The following ROBO2 variants were observed in gnomAD, a reference collection of about 807,000 sequenced individuals.
The protein encoded by ROBO2 is roundabout guidance receptor 2, also known as roundabout homolog 2.
A neutral mutation model predicts 160.8 loss-of-function variants in ROBO2; 53 were observed. The ratio of observed to expected loss-of-function variants is 0.33; its 90% CI spans 0.26 to 0.41. The LOEUF is 0.41. Among genes scored for constraint, ROBO2 ranks in the 10% least tolerant of loss-of-function variants. The pLI, the probability that ROBO2 is intolerant of heterozygous loss-of-function variation, is 1.00. For synonymous variants in ROBO2, 664 were observed against 611.7 expected (o/e 1.09, Z -1.26); for missense variants, 1,577 against 1,722.4 (o/e 0.92, Z 1.49).
intron 2 of ROBO2, among the ~76,000 whole-genome samples, chr3:76,746,612 A>C (rs552320516): frequency 1.3e-5 from 2 of 152,092 alleles, no homozygotes; most frequent in South Asian, 4.2e-4. Flanking sequence ...TCCTCAATAA[A>C]ATACTGGCAA....
intron 2 of ROBO2, among the ~76,000 whole-genome samples, chr3:77,247,975 G>A (rs549092087): frequency 6.6e-6 from 1 of 152,100 alleles, no homozygotes; most frequent in African/African-American, 2.4e-5. Flanking sequence ...TTTCCTGCTC[G>A]AATGTTGCCT....
chr3:77,493,239 TC>T lies in ROBO2; in HGVS notation c.668-4del, dbSNP rs748498982. The T allele has an allele frequency of 8.1e-6, 13 of 1,613,440 alleles. No individual in the cohort carries two copies. In the East Asian group the frequency reaches 1.1e-4, roughly 14 times the overall value. On this transcript the variant is annotated splice_polypyrimidine_tract_variant and splice_region_variant and intron_variant, in intron 4 of 25. Transcript: ENST00000461745. Reference sequence around the variant, plus strand: ...TTTTACCATTGTTTCATTTTTTTTTTCAAGAACGACCCACATTTCTCAGGAG... The same window carrying T: ...TTTTACCATTGTTTCATTTTTTTTTTAAGAACGACCCACATTTCTCAGGAG...
At chr3:77,000,387 C>T (rs1035016915) in intron 2 of ROBO2, among the ~76,000 whole-genome samples, 5 of 152,184 alleles carry the variant, frequency 3.3e-5, no homozygotes, top group Admixed American at 2.6e-4. Flanking sequence ...CTTTGCCAGC[C>T]TCTCAGTCTG....
intron 2 of ROBO2, among the ~76,000 whole-genome samples, chr3:76,515,988 A>T (rs549334931): frequency 4.6e-5 from 7 of 152,172 alleles, no homozygotes; most frequent in Non-Finnish European, 1.0e-4. Context: ...GAAAAGTCAA[A>T]AATATAAACC....
intron 1 of ROBO2, among the ~76,000 whole-genome samples, chr3:77,070,419 C>CGT (rs994785952): frequency 1.3e-5 from 2 of 151,522 alleles, no homozygotes; most frequent in African/African-American, 4.9e-5. Context: ...TGTGTGTGTG[C>CGT]GTGTGTGTGT....
At chr3:77,642,886 TC>T (rs1052223478) in intron 24 of ROBO2, 11 of 456,398 alleles carry the variant, frequency 2.4e-5, no homozygotes, top group Non-Finnish European at 4.0e-5. Flanking sequence ...ATGGATAAGC[TC>T]CACAGAACGA....
At chr3:76,084,441 C>A (rs2068939328) in intron 2 of ROBO2, among the ~76,000 whole-genome samples, 1 of 152,034 alleles carries the variant, frequency 6.6e-6, no homozygotes, top group South Asian at 2.1e-4. Flanking sequence ...TTCTGTGAGG[C>A]AGTTATTACT....
chr3:76,053,452 G>C (rs1050714213), intron 2 of ROBO2, among the ~76,000 whole-genome samples: 3 of 151,850 alleles, frequency 2.0e-5, no homozygotes, highest in Non-Finnish European at 4.4e-5. Flanking sequence ...TTCTTTAAAG[G>C]TAGTTCATTA....
At position 77,527,231 on chromosome 3, in the gene ROBO2, C is replaced by T. The variant is rs546320790; in HGVS notation, c.934+4329C>T. 3.7e-4 allele frequency among the ~76,000 whole-genome samples: 56 copies of T among 151,624 alleles called. No individual in the cohort carries two copies. The South Asian group carries it at 0.011, about 31-fold the overall frequency. The stretch of plus-strand genomic sequence containing the variant: ...TATTTTCCTAGAATTATATTTATAA[C>T]TCTCAACTTTATCAGACTCAGACAT... On this transcript the variant is annotated intron_variant, in intron 6 of 25. Transcript: ENST00000461745.
chr3:77,407,201 T>C (rs976726312), intron 2 of ROBO2, among the ~76,000 whole-genome samples: 9 of 152,096 alleles, frequency 5.9e-5, no homozygotes, highest in African/African-American at 2.2e-4. Flanking sequence ...GCCTCATGCT[T>C]TCAAAGAATA....
intron 2 of ROBO2, among the ~76,000 whole-genome samples, chr3:76,543,657 AT>A (rs1224366518): frequency 2.6e-5 from 4 of 151,988 alleles, no homozygotes; most frequent in African/African-American, 9.7e-5. Context: ...GTAAATGTCT[AT>A]TTCATAGGGT....
intron 2 of ROBO2, among the ~76,000 whole-genome samples, chr3:76,258,751 A>G (rs1043628520): frequency 6.6e-6 from 1 of 152,094 alleles, no homozygotes; most frequent in African/African-American, 2.4e-5. Flanking sequence ...TTCTCAACAT[A>G]TAACTGAATA....
intron 2 of ROBO2, among the ~76,000 whole-genome samples, chr3:76,286,159 A>G (rs973123155): frequency 1.3e-5 from 2 of 152,220 alleles, no homozygotes; most frequent in African/African-American, 4.8e-5. Context: ...CTTCCCATTC[A>G]GAGTGTGCTG....
chr3:77,268,116 C>T (rs935443758), intron 2 of ROBO2, among the ~76,000 whole-genome samples: 2 of 152,102 alleles, frequency 1.3e-5, no homozygotes, highest in African/African-American at 4.8e-5. Context: ...TATATTCTGC[C>T]ATGTTATAAT....
intron 2 of ROBO2, among the ~76,000 whole-genome samples, chr3:76,020,029 C>T (rs1173977852): frequency 2.0e-5 from 3 of 151,878 alleles, no homozygotes; most frequent in Non-Finnish European, 4.4e-5. Flanking sequence ...ACTGTGTATT[C>T]CTTGGTAGGA....
At chr3:76,802,673 A>G (rs2064310719) in intron 2 of ROBO2, among the ~76,000 whole-genome samples, 1 of 150,254 alleles carries the variant, frequency 6.7e-6, no homozygotes, top group Non-Finnish European at 1.5e-5. Context: ...GCTTGCAGTG[A>G]GCCAAGATGG....
chr3:77,182,878 C>T (rs1384276679), intron 2 of ROBO2, among the ~76,000 whole-genome samples: 1 of 152,016 alleles, frequency 6.6e-6, no homozygotes, highest in Non-Finnish European at 1.5e-5. Context: ...TCATAAAATA[C>T]AAGTCACCAA....
At chr3:77,642,166 C>T (rs1413388172) in intron 24 of ROBO2, among the ~76,000 whole-genome samples, 1 of 152,154 alleles carries the variant, frequency 6.6e-6, no homozygotes, top group African/African-American at 2.4e-5. Flanking sequence ...AAATGTGCCA[C>T]ATACATGGGT....
At chr3:77,178,339 C>G (rs992616265) in intron 2 of ROBO2, among the ~76,000 whole-genome samples, 1 of 152,026 alleles carries the variant, frequency 6.6e-6, no homozygotes, top group African/African-American at 2.4e-5. Context: ...AAATCTCTCT[C>G]AAATCTCTGC....
Sources: allele counts gnomAD v4.1 joint callset (sites outside exome capture counted in the v4.1 genomes callset), GRCh38; gene constraint gnomAD v4.1.1; transcripts MANE v1.5; gene names NCBI Gene and HGNC (gene_info 2026-07-23, HGNC 2026-07-21).